The following P2RX5 variants were observed in gnomAD, a reference collection of about 807,000 sequenced individuals.
P2RX5 encodes purinergic receptor P2X 5.
A neutral mutation model predicts 54.1 loss-of-function variants in P2RX5; 46 were observed. The ratio of observed to expected loss-of-function variants is 0.85; its 90% CI spans 0.67 to 1.09. The LOEUF is 1.09. Ranked by LOEUF, P2RX5 falls within the 50% of genes least tolerant of loss-of-function variation. P2RX5 has a pLI of 0.00. For synonymous variants in P2RX5, 226 were observed against 226.4 expected (o/e 1.00, Z 0.02); for missense variants, 566 against 549.8 (o/e 1.03, Z -0.29).
At chr17:3,699,905 GGAAGGAAGGAAGGAAAGAAA>G (rs2050805548), upstream of P2RX5, among the ~76,000 whole-genome samples, 2 of 35,426 alleles carry the variant, frequency 5.6e-5, no homozygotes, top group African/African-American at 1.2e-4. Flanking sequence ...AAGGAAGGAA[GGAAGGAAGGAAGGAAAGAAA>G]GAAAGAAAGA....
intron 11 of P2RX5, 43 bp downstream of exon 11, chr17:3,679,547 G>A (rs778834208): frequency 1.3e-6 from 2 of 1,585,434 alleles, no homozygotes; most frequent in South Asian, 2.2e-5. Flanking sequence ...ACCCCTCTCT[G>A]CAGGACCCAG....
In P2RX5 at chr17:3,689,527, A is replaced by G; in HGVS notation, c.718T>C (p.Trp240Arg). The G allele has an allele frequency of 6.2e-7, 1 of 1,614,156 alleles. No homozygotes were observed. The highest frequency in any genetic ancestry group is 8.5e-7 in the Non-Finnish European group (1 of 1,180,034). ...ATATCCTGGAAGTCGCTCCCGGCCC[A>G]GCGGATCACGGAGCCCAGTCGGAAG... ...PIFRLGSVIRWAGSDFQDIAL... is the reference protein window; with the variant it reads ...PIFRLGSVIRRAGSDFQDIAL... Residue 240 changes from tryptophan (W) to arginine (R), a missense_variant, in exon 7 of 12, where the codon TGG (tryptophan) becomes CGG (arginine). Transcript: ENST00000225328.
the P2RX5 span, chr17:3,714,794 G>A: frequency 1.3e-5 from 13 of 975,134 alleles, 1 homozygote; most frequent in South Asian, 1.7e-4. Context: ...AAAGGATGCT[G>A]GGTCTCCAAG....
intron 9 of P2RX5, among the ~76,000 whole-genome samples, chr17:3,685,241 G>A (rs940933123): frequency 6.6e-6 from 1 of 152,142 alleles, no homozygotes; most frequent in Admixed American, 6.5e-5. Flanking sequence ...GCCTCGGCTG[G>A]GGACTGACCT....
the P2RX5 span, among the ~76,000 whole-genome samples, chr17:3,708,345 T>C: frequency 1.3e-5 from 2 of 151,300 alleles, no homozygotes; most frequent in Non-Finnish European, 1.5e-5. Context: ...AGTTCAGAGG[T>C]AGAAATGCAC....
At chr17:3,720,835 G>A in the P2RX5 span, among the ~76,000 whole-genome samples, 10 of 151,736 alleles carry the variant, frequency 6.6e-5, no homozygotes, top group Non-Finnish European at 1.0e-4. Context: ...TACCCACCTC[G>A]GCCTCCCAAA....
At chr17:3,704,049 C>A in the P2RX5 span, among the ~76,000 whole-genome samples, 3 of 152,128 alleles carry the variant, frequency 2.0e-5, no homozygotes, top group Non-Finnish European at 4.4e-5. Context: ...TTGTGGTGAG[C>A]TGAGATGACG....
chr17:3,689,870 G>A (rs927448806), intron 6 of P2RX5, among the ~76,000 whole-genome samples, 200 bp downstream of exon 6: 4 of 151,660 alleles, frequency 2.6e-5, no homozygotes, highest in Non-Finnish European at 5.9e-5. Context: ...ACGCACACAC[G>A]CGAACACACG....
chr17:3,701,703 A>ATAAAAT, the P2RX5 span, among the ~76,000 whole-genome samples: 1 of 94,566 alleles, frequency 1.1e-5, no homozygotes, highest in Admixed American at 1.5e-4. Context: ...TCAGAAAAAA[A>ATAAAAT]AAAAAAAAAA....
the P2RX5 span, among the ~76,000 whole-genome samples, chr17:3,708,077 A>C: frequency 6.6e-6 from 1 of 151,598 alleles, no homozygotes; most frequent in South Asian, 2.1e-4. Context: ...AAAAAAAAAA[A>C]AAACACCAGG....
At chr17:3,711,901 A>C in the P2RX5 span, among the ~76,000 whole-genome samples, 1 of 151,558 alleles carries the variant, frequency 6.6e-6, no homozygotes, top group African/African-American at 2.4e-5. Flanking sequence ...ACCATGTCGC[A>C]CTTAAAAGTG....
intron 10 of P2RX5, among the ~76,000 whole-genome samples, chr17:3,680,047 ACATCCTCCACCCTG>A (rs1319696575): frequency 3.8e-4 from 35 of 92,416 alleles, no homozygotes; most frequent in Non-Finnish European, 4.3e-4. Flanking sequence ...CCTCCACCCT[ACATCCTCCACCCTG>A]CATCCTCCAC....
chr17:3,691,125 G>A, intron 2 of P2RX5, 98 bp from the exon 3 acceptor site: 1 of 888,782 alleles, frequency 1.1e-6, no homozygotes. Flanking sequence ...CCTCTGCCTG[G>A]GTTTTGGGGA....
chr17:3,684,329 C>T (rs959442108), intron 9 of P2RX5, among the ~76,000 whole-genome samples: 5 of 152,370 alleles, frequency 3.3e-5, no homozygotes, highest in East Asian at 1.9e-4. Context: ...ATGGGCTGGG[C>T]GCGGTGGCTC....
chr17:3,691,811 G>T lies in P2RX5; in HGVS notation c.138-17C>A. The T allele has an allele frequency of 1.2e-6, 2 of 1,613,970 alleles. No homozygotes were observed. The highest frequency in any genetic ancestry group is 2.2e-5 in the South Asian group (2 of 91,076). ...AACACCCATCTGTGGGAAGGGGGCCGGTACGTGGGCATCAGCCACTCTGCT... is the reference window on the plus strand; with the variant it reads ...AACACCCATCTGTGGGAAGGGGGCCTGTACGTGGGCATCAGCCACTCTGCT... On this transcript the variant is annotated splice_polypyrimidine_tract_variant and intron_variant, in intron 1 of 11. Coordinates refer to ENST00000225328, the MANE Select transcript of P2RX5 (RefSeq NM_002561.4).
intron 9 of P2RX5, among the ~76,000 whole-genome samples, chr17:3,684,923 G>A (rs368706552): frequency 3.7e-5 from 5 of 134,778 alleles, no homozygotes; most frequent in East Asian, 2.4e-4. Flanking sequence ...TGGGCTCACC[G>A]CAACCTCCTC....
chr17:3,689,598 A>G lies in P2RX5; in HGVS notation c.647T>C (p.Phe216Ser), dbSNP rs763643470. 6.2e-7 allele frequency: 1 copy of G among 1,614,206 alleles called. No individual in the cohort carries two copies. ...SNVMDVKDRS[F>S]LKSCHFGPKN... ...GGGGCCAAAGTGGCATGATTTCAGG[A>G]AAGATCTGTCCTTGACGTCCATCAC... The change falls in exon 7 of 12, where the codon TTC becomes TCC. Residue 216 changes from phenylalanine (F) to serine (S), a missense_variant. Physicochemically the swap from Phe to Ser is radical, Grantham distance 155. Coordinates refer to ENST00000225328, the MANE Select transcript of P2RX5 (RefSeq NM_002561.4).
chr17:3,673,920 T>G lies in P2RX5; in HGVS notation c.1260-43A>C. ...AAAGGAGCTCTTGAGAGGCTGGCAC[T>G]CTCATCTTCCCAGTGAGGCAACCAG... On this transcript the variant is annotated intron_variant, in intron 11 of 11. Transcript: ENST00000225328. 3 of 1,572,704 alleles carry G rather than the reference T, an allele frequency of 1.9e-6. No individual in the cohort carries two copies. The Admixed American group carries it at 5.4e-5, about 28-fold the overall frequency.
At chr17:3,677,168 G>A (rs1018566586) in intron 11 of P2RX5, 8 of 985,300 alleles carry the variant, frequency 8.1e-6, no homozygotes, top group Non-Finnish European at 7.2e-6. Flanking sequence ...TGGGGACGGA[G>A]GGAGGGGAAT....
Sources: allele counts gnomAD v4.1 joint callset (sites outside exome capture counted in the v4.1 genomes callset), GRCh38; gene constraint gnomAD v4.1.1; transcripts MANE v1.5; gene names NCBI Gene and HGNC (gene_info 2026-07-23, HGNC 2026-07-21).